Variants in GRIK2 observed in about 807,000 individuals in gnomAD.
GRIK2 encodes the protein glutamate ionotropic receptor kainate type subunit 2, also known as glutamate receptor ionotropic, kainate 2.
Under a neutral mutation model 100.3 loss-of-function variants are expected in GRIK2, and 32 were observed. The observed-to-expected ratio is 0.32, with a 90% CI of 0.24 to 0.43. The LOEUF is 0.43. Ranked by LOEUF, GRIK2 falls within the 20% of genes least tolerant of loss-of-function variation. The probability of loss-of-function intolerance (pLI) is 1.00; values close to 1 mark genes in which losing one functional copy is unlikely to be tolerated. For synonymous variants in GRIK2, 417 were observed against 389.4 expected (o/e 1.07, Z -0.83); for missense variants, 843 against 1,114.9 (o/e 0.76, Z 3.47).
At chr6:101,394,894 C>G (rs1343474387) in intron 1 of GRIK2, among the ~76,000 whole-genome samples, 3 of 152,070 alleles carry the variant, frequency 2.0e-5, no homozygotes, top group Non-Finnish European at 4.4e-5. Context: ...GAAGTCTTAT[C>G]TGTTTGTTTT....
At chr6:101,800,037 C>T (rs1478459791) in intron 8 of GRIK2, among the ~76,000 whole-genome samples, 1 of 151,976 alleles carries the variant, frequency 6.6e-6, no homozygotes, top group African/African-American at 2.4e-5. Context: ...TATTACTTTT[C>T]CTTTATGTAG....
chr6:101,784,962 T>G (rs1779331476), intron 7 of GRIK2, among the ~76,000 whole-genome samples: 1 of 152,286 alleles, frequency 6.6e-6, no homozygotes, highest in East Asian at 1.9e-4. Flanking sequence ...TTGGTTTGCA[T>G]TTGTTATTGT....
At chr6:102,047,296 A>AG (rs1443170706) in intron 15 of GRIK2, among the ~76,000 whole-genome samples, 1 of 152,038 alleles carries the variant, frequency 6.6e-6, no homozygotes, top group Non-Finnish European at 1.5e-5. Flanking sequence ...AAATAGACAA[A>AG]CCTTTTACTA....
At chr6:101,589,435 A>G (rs1438969849) in intron 2 of GRIK2, among the ~76,000 whole-genome samples, 1 of 152,050 alleles carries the variant, frequency 6.6e-6, no homozygotes, top group Non-Finnish European at 1.5e-5. Flanking sequence ...TTTGACCAAT[A>G]TCTCTCCAAC....
intron 7 of GRIK2, among the ~76,000 whole-genome samples, chr6:101,713,918 C>A (rs1305350584): frequency 6.6e-6 from 1 of 151,648 alleles, no homozygotes; most frequent in Non-Finnish European, 1.5e-5. Context: ...TCACCCTACG[C>A]TTGAATTAAG....
intron 2 of GRIK2, among the ~76,000 whole-genome samples, chr6:101,470,481 G>A (rs1026288954): frequency 6.6e-6 from 1 of 152,182 alleles, no homozygotes; most frequent in Non-Finnish European, 1.5e-5. Flanking sequence ...ATCTCCAAAT[G>A]AGAAGCGAAA....
At chr6:101,928,091 C>A in intron 13 of GRIK2, 1 of 251,426 alleles carries the variant, frequency 4.0e-6, no homozygotes, top group Non-Finnish European at 7.7e-6. Flanking sequence ...GTTTATAAAC[C>A]AGAAAGCCTA....
intron 4 of GRIK2, among the ~76,000 whole-genome samples, chr6:101,660,185 T>G (rs894305544): frequency 6.6e-6 from 1 of 152,194 alleles, no homozygotes; most frequent in African/African-American, 2.4e-5. Context: ...CATTCTTTTT[T>G]CTCTAATCTT....
chr6:101,660,141 T>C lies in GRIK2; in HGVS notation c.542-16482T>C, dbSNP rs186929788. ...CATAAGTTTGGTTTTCTCACATTGT[T>C]CCATATTTCTTGGAGGCTTTGTTCA... is the stretch of plus-strand genomic sequence containing the variant. On this transcript the variant is annotated intron_variant, in intron 4 of 16. Coordinates refer to ENST00000369134, the MANE Select transcript of GRIK2 (RefSeq NM_021956.5). Among the ~76,000 whole-genome samples the C allele has an allele frequency of 1.3e-3, 203 of 152,278 alleles. 1 individual carries two copies. The highest frequency in any genetic ancestry group is 2.4e-3 in the Non-Finnish European group (166 of 68,022).
chr6:101,983,233 C>T (rs937962566), intron 14 of GRIK2, among the ~76,000 whole-genome samples: 1 of 151,782 alleles, frequency 6.6e-6, no homozygotes, highest in Non-Finnish European at 1.5e-5. Context: ...CTCCCAAATT[C>T]CCTACACATG....
chr6:101,626,651 G>T lies in GRIK2; in HGVS notation c.541+14G>T, dbSNP rs1319242989. 6.2e-7 allele frequency: 1 copy of T among 1,608,958 alleles called. No homozygotes were observed. Among genetic ancestry groups the T allele is most frequent in the African/African-American group, 1.3e-5 (1 of 74,756 alleles). On this transcript the variant is annotated intron_variant, in intron 4 of 16. Coordinates refer to ENST00000369134, the MANE Select transcript of GRIK2 (RefSeq NM_021956.5). Reference sequence around the variant, plus strand: ...ATGACAGCACTGGTAAGAAAAATCAGTATCTTTTGGAGCTATGCTTTAAAT... The same window carrying T: ...ATGACAGCACTGGTAAGAAAAATCATTATCTTTTGGAGCTATGCTTTAAAT...
intron 15 of GRIK2, among the ~76,000 whole-genome samples, chr6:102,050,578 C>T (rs1400997588): frequency 2.8e-5 from 4 of 140,980 alleles, no homozygotes; most frequent in East Asian, 4.7e-4. Context: ...AACTGGGAGG[C>T]GGAGGTTGCA....
intron 2 of GRIK2, among the ~76,000 whole-genome samples, chr6:101,521,627 T>C (rs1562198245): frequency 6.6e-6 from 1 of 151,852 alleles, no homozygotes. Flanking sequence ...TAAAATTTTT[T>C]TAATAATAAT....
intron 2 of GRIK2, among the ~76,000 whole-genome samples, chr6:101,594,824 G>A (rs996412847): frequency 6.6e-6 from 1 of 151,780 alleles, no homozygotes; most frequent in Admixed American, 6.6e-5. Context: ...GATGAAGGCA[G>A]ATAGGGCGGT....
chr6:101,964,421 C>T (rs1049319144), intron 14 of GRIK2, among the ~76,000 whole-genome samples: 1 of 152,078 alleles, frequency 6.6e-6, no homozygotes, highest in African/African-American at 2.4e-5. Context: ...ATTGGGGTTT[C>T]AGTACCAGAC....
At chr6:101,727,440 C>T (rs1188709538) in intron 7 of GRIK2, among the ~76,000 whole-genome samples, 1 of 152,104 alleles carries the variant, frequency 6.6e-6, no homozygotes, top group African/African-American at 2.4e-5. Context: ...CTCATCAAGA[C>T]AGCAAGTCTG....
At chr6:101,434,241 A>T (rs1164446264) in intron 2 of GRIK2, among the ~76,000 whole-genome samples, 1 of 152,218 alleles carries the variant, frequency 6.6e-6, no homozygotes, top group African/African-American at 2.4e-5. Context: ...GAGAGGATGC[A>T]ATGGGATACA....
At chr6:101,839,918 T>C (rs1783389886) in intron 10 of GRIK2, among the ~76,000 whole-genome samples, 2 of 152,128 alleles carry the variant, frequency 1.3e-5, no homozygotes, top group East Asian at 3.9e-4. Flanking sequence ...TGTAATATAT[T>C]GATCTAGTTG....
At chr6:101,443,163 C>T (rs1465308766) in intron 2 of GRIK2, among the ~76,000 whole-genome samples, 1 of 151,996 alleles carries the variant, frequency 6.6e-6, no homozygotes, top group Admixed American at 6.6e-5. Context: ...GGAAAGGCAC[C>T]TGGGATAAGA....
Sources: allele counts gnomAD v4.1 joint callset (sites outside exome capture counted in the v4.1 genomes callset), GRCh38; gene constraint gnomAD v4.1.1; transcripts MANE v1.5; gene names NCBI Gene and HGNC (gene_info 2026-07-23, HGNC 2026-07-21).